CLASP1: variants seen among roughly 807,000 people sequenced by gnomAD.
CLASP1 encodes the protein cytoplasmic linker associated protein 1.
In CLASP1, 38 loss-of-function variants were observed where a neutral mutation model predicts 192.3. The observed-to-expected ratio is 0.20, with a 90% CI of 0.15 to 0.26. The LOEUF (loss-of-function observed/expected upper bound fraction) is 0.26. Among genes scored for constraint, CLASP1 ranks in the 10% least tolerant of loss-of-function variants. The pLI is 1.00. For synonymous variants in CLASP1, 691 were observed against 712.8 expected, an observed-to-expected ratio of 0.97 and a Z score of 0.49; for missense variants, 1,433 against 1,932.5, an observed-to-expected ratio of 0.74 and a Z score of 4.85.
intron 34 of CLASP1, among the ~76,000 whole-genome samples, chr2:121,375,879 T>C (rs1003498903): frequency 6.6e-6 from 1 of 152,140 alleles, no homozygotes; most frequent in East Asian, 1.9e-4. Flanking sequence ...GAAACAAAAC[T>C]ATGTCCAGAA....
At chr2:121,356,549 C>T (rs1328622003) in intron 37 of CLASP1, among the ~76,000 whole-genome samples, 8 of 152,228 alleles carry the variant, frequency 5.3e-5, no homozygotes, top group Non-Finnish European at 2.9e-5. Context: ...TAAATTTCTT[C>T]ACTTTCTATG....
exon 40 of CLASP1, chr2:121,338,503 TG>T (rs1431823993): frequency 6.6e-6 from 1 of 152,400 alleles, no homozygotes; most frequent in Non-Finnish European, 1.5e-5. Context: ...TGTTTTTCAT[TG>T]GAACAGGGGC....
intron 8 of CLASP1, among the ~76,000 whole-genome samples, chr2:121,498,809 T>A (rs962685758): frequency 2.0e-5 from 3 of 152,146 alleles, no homozygotes; most frequent in Admixed American, 6.5e-5. Context: ...AATAAGCACA[T>A]GAAAAAGATG....
At chr2:121,428,392 T>C (rs1010430071) in intron 20 of CLASP1, among the ~76,000 whole-genome samples, 1 of 152,226 alleles carries the variant, frequency 6.6e-6, no homozygotes, top group Non-Finnish European at 1.5e-5. Context: ...ATTACATGCT[T>C]AGGCATTTTT....
chr2:121,482,090 G>A (rs187754998), intron 8 of CLASP1, among the ~76,000 whole-genome samples: 52 of 152,326 alleles, frequency 3.4e-4, no homozygotes, highest in Middle Eastern at 3.4e-3. Flanking sequence ...AACTGAGAGT[G>A]TGAGCGGCTT....
chr2:121,382,429 G>A, intron 32 of CLASP1, 105 bp from the exon 34 acceptor site: 1 of 686,432 alleles, frequency 1.5e-6, no homozygotes, highest in East Asian at 3.0e-5. Context: ...TTCTTTCCTT[G>A]ACAAAGTTCT....
Position 121,457,775 on chromosome 2 carries a change from A to C in CLASP1, c.1315-18T>G. The C allele has an allele frequency of 6.3e-7, 1 of 1,594,148 alleles. No homozygotes were observed. The highest frequency in any genetic ancestry group is 8.6e-7 in the Non-Finnish European group (1 of 1,166,426). On this transcript the variant is annotated intron_variant, in intron 13 of 39. Coordinates refer to ENST00000263710, the Ensembl canonical transcript of CLASP1. ...TGTGTGTGCTGTGAAGAACAACAAA[A>C]AACAGAGGTCAACACTTGCAAATAC...
At chr2:121,392,560 G>A (rs1203937667) in intron 30 of CLASP1, among the ~76,000 whole-genome samples, 2 of 152,176 alleles carry the variant, frequency 1.3e-5, no homozygotes, top group East Asian at 1.9e-4. Context: ...ACAAGCATGC[G>A]CCACCATGCC....
intron 39 of CLASP1, among the ~76,000 whole-genome samples, chr2:121,341,364 G>T (rs532913673): frequency 5.3e-5 from 8 of 152,332 alleles, no homozygotes; most frequent in Non-Finnish European, 7.3e-5. Flanking sequence ...CTGGGCCAAG[G>T]TCAGAGGGCA....
chr2:121,516,799 C>T (rs781669599), intron 6 of CLASP1, among the ~76,000 whole-genome samples: 1 of 151,488 alleles, frequency 6.6e-6, no homozygotes, highest in Non-Finnish European at 1.5e-5. Flanking sequence ...GAGGCCGAAG[C>T]GGGCAGATCA....
At chr2:121,631,146 G>A (rs1279324874) in intron 1 of CLASP1, among the ~76,000 whole-genome samples, 9 of 85,882 alleles carry the variant, frequency 1.0e-4, no homozygotes, top group Non-Finnish European at 1.8e-4. Flanking sequence ...GTGACAAAGC[G>A]AGACTCCAGC....
intron 8 of CLASP1, among the ~76,000 whole-genome samples, chr2:121,483,574 A>G (rs1575349853): frequency 6.6e-6 from 1 of 151,358 alleles, no homozygotes; most frequent in East Asian, 1.9e-4. Flanking sequence ...GTATGTATAT[A>G]TATGTGTGTA....
chr2:121,480,079 G>A (rs941167071), intron 8 of CLASP1, among the ~76,000 whole-genome samples: 5 of 152,112 alleles, frequency 3.3e-5, no homozygotes, highest in Non-Finnish European at 7.4e-5. Context: ...ATTTTAAGAC[G>A]ATCTCAACAA....
chr2:121,414,348 G>A (rs1369402816), intron 23 of CLASP1, among the ~76,000 whole-genome samples, 145 bp from the exon 24 acceptor site: 2 of 152,170 alleles, frequency 1.3e-5, no homozygotes, highest in Admixed American at 6.5e-5. Context: ...GATATGAATG[G>A]ACAGCAAGTG....
intron 14 of CLASP1, among the ~76,000 whole-genome samples, chr2:121,455,925 G>T (rs112837565): frequency 6.6e-6 from 1 of 152,254 alleles, no homozygotes; most frequent in Non-Finnish European, 1.5e-5. Context: ...GAAGCTGGGG[G>T]TTGGGAGACT....
intron 34 of CLASP1, among the ~76,000 whole-genome samples, chr2:121,375,514 C>A (rs956136061): frequency 6.6e-6 from 1 of 151,900 alleles, no homozygotes; most frequent in African/African-American, 2.4e-5. Context: ...CAGGTGTGCA[C>A]CACCAAGCCC....
intron 7 of CLASP1, among the ~76,000 whole-genome samples, chr2:121,506,375 T>C (rs1323819518): frequency 6.6e-6 from 1 of 152,022 alleles, no homozygotes; most frequent in African/African-American, 2.4e-5. Flanking sequence ...GCTTGTTCAA[T>C]GTTAGAGGCC....
At chr2:121,372,479 T>C (rs2068950173) in intron 34 of CLASP1, among the ~76,000 whole-genome samples, 1 of 152,262 alleles carries the variant, frequency 6.6e-6, no homozygotes, top group African/African-American at 2.4e-5. Flanking sequence ...CAGACTGGTA[T>C]ATCCAAAGTC....
chr2:121,518,744 G>A (rs921925786), intron 6 of CLASP1, among the ~76,000 whole-genome samples: 1 of 152,094 alleles, frequency 6.6e-6, no homozygotes, highest in African/African-American at 2.4e-5. Flanking sequence ...GGGCATGGCG[G>A]CGAGCGCCTG....
Sources: allele counts gnomAD v4.1 joint callset (sites outside exome capture counted in the v4.1 genomes callset), GRCh38; gene constraint gnomAD v4.1.1; transcripts MANE v1.5; gene names NCBI Gene and HGNC (gene_info 2026-07-23, HGNC 2026-07-21).